PARVA: variants seen among roughly 807,000 people sequenced by gnomAD.
The protein encoded by PARVA is parvin alpha.
In PARVA, 25 loss-of-function variants were observed where a neutral mutation model predicts 52.6. That is an observed-to-expected ratio of 0.48 (90% confidence interval 0.35 to 0.66). The LOEUF (loss-of-function observed/expected upper bound fraction) is 0.66, where lower values mean the gene tolerates loss of function less well. PARVA is among the 30% of genes least tolerant of loss of function. The pLI, the probability that PARVA is intolerant of heterozygous loss-of-function variation, is 0.01. For missense variants in PARVA, 373 were observed against 450.9 expected (o/e 0.83, Z 1.56); for synonymous variants, 185 against 179.1 (o/e 1.03, Z -0.26).
intron 9 of PARVA, 67 bp downstream of exon 9, chr11:12,513,427 C>A: frequency 7.1e-7 from 1 of 1,418,310 alleles, no homozygotes; most frequent in Non-Finnish European, 1.0e-6. Context: ...GAAAACCCAT[C>A]CCTGCAGCTT....
intron 1 of PARVA, among the ~76,000 whole-genome samples, chr11:12,444,572 G>A (rs1258150475): frequency 2.0e-5 from 3 of 152,014 alleles, no homozygotes; most frequent in Non-Finnish European, 4.4e-5. Flanking sequence ...AGCCTCCTGA[G>A]TAGCTGGGAC....
intron 1 of PARVA, among the ~76,000 whole-genome samples, chr11:12,460,147 T>C (rs1028969225): frequency 2.6e-5 from 4 of 152,224 alleles, no homozygotes; most frequent in Non-Finnish European, 5.9e-5. Context: ...ATATGCATTG[T>C]GTTTGGGGAG....
At chr11:12,434,418 C>T (rs957476890) in intron 1 of PARVA, among the ~76,000 whole-genome samples, 1 of 152,210 alleles carries the variant, frequency 6.6e-6, no homozygotes, top group African/African-American at 2.4e-5. Flanking sequence ...CGCTTGGTCC[C>T]TATCAAACAG....
intron 1 of PARVA, among the ~76,000 whole-genome samples, chr11:12,395,510 C>T (rs371472866): frequency 1.8e-4 from 27 of 152,314 alleles, no homozygotes; most frequent in African/African-American, 4.6e-4. Context: ...TCCTGGGTAA[C>T]GGGGAAGCCA....
intron 1 of PARVA, among the ~76,000 whole-genome samples, chr11:12,406,324 G>A (rs552515178): frequency 1.3e-5 from 2 of 152,192 alleles, no homozygotes; most frequent in South Asian, 4.1e-4. Flanking sequence ...GTCCAGCCAC[G>A]TTATGGAGGA....
At chr11:12,393,952 A>G (rs757461939) in intron 1 of PARVA, among the ~76,000 whole-genome samples, 17 of 152,172 alleles carry the variant, frequency 1.1e-4, no homozygotes, top group Admixed American at 9.8e-4. Flanking sequence ...ACATATAACT[A>G]TTATGTGGTT....
rs940781379 is a variant in PARVA at position 12,377,586 on chromosome 11, C to T, written c.-62C>T. 33 of 1,501,534 alleles carry T rather than the reference C, an allele frequency of 2.2e-5. No homozygotes were observed. The highest frequency in any genetic ancestry group is 2.7e-5 in the Non-Finnish European group (31 of 1,127,564). The allele number at this position is 1,501,534 out of a possible 1,614,324, so 93.0% of individuals were successfully genotyped here. ...CCGCAGCCTCAGTCCCGCCGCCGCCCGCTGCGTCCGCCCAGCGCCAGCTCC... is the reference window on the plus strand; with the variant it reads ...CCGCAGCCTCAGTCCCGCCGCCGCCTGCTGCGTCCGCCCAGCGCCAGCTCC... On this transcript the variant is annotated 5_prime_UTR_variant, in exon 1 of 13. Transcript: ENST00000334956.
intron 1 of PARVA, among the ~76,000 whole-genome samples, chr11:12,422,478 C>A (rs538153930): frequency 6.6e-6 from 1 of 152,172 alleles, no homozygotes; most frequent in East Asian, 1.9e-4. Flanking sequence ...GTGGGCTTGT[C>A]GTCCAACAGC....
chr11:12,412,202 G>A (rs1019955090), intron 1 of PARVA, among the ~76,000 whole-genome samples: 5 of 152,212 alleles, frequency 3.3e-5, no homozygotes, highest in Non-Finnish European at 2.9e-5. Context: ...CAGGAGCTGA[G>A]TCATAATCCT....
chr11:12,425,161 T>G (rs1242036476), intron 1 of PARVA, among the ~76,000 whole-genome samples: 1 of 152,194 alleles, frequency 6.6e-6, no homozygotes, highest in Non-Finnish European at 1.5e-5. Context: ...AGGGGCTTCC[T>G]TTAGAAGTGT....
chr11:12,466,861 G>A (rs1224425962), intron 1 of PARVA, among the ~76,000 whole-genome samples: 1 of 152,036 alleles, frequency 6.6e-6, no homozygotes, highest in African/African-American at 2.4e-5. Flanking sequence ...TATTTTGTTG[G>A]CTACTCTAGG....
chr11:12,461,639 C>T (rs1940782508), intron 1 of PARVA, among the ~76,000 whole-genome samples: 1 of 152,176 alleles, frequency 6.6e-6, no homozygotes, highest in African/African-American at 2.4e-5. Context: ...ATGGTGCTTC[C>T]ATCTCCTTCC....
chr11:12,521,165 T>G (rs1941632041), intron 12 of PARVA, among the ~76,000 whole-genome samples: 1 of 152,108 alleles, frequency 6.6e-6, no homozygotes. Context: ...TATCTAAAAT[T>G]TAAGGAGTCT....
chr11:12,473,749 C>A lies in PARVA; in HGVS notation c.141C>A (p.Ser47=). The change falls in exon 2 of 13, where the codon TCC becomes TCA. Residue 47 remains serine, a synonymous_variant. Coordinates refer to ENST00000334956, the MANE Select transcript of PARVA (RefSeq NM_018222.5). ...CTGCTCTTCCTTTTCTTCCAGTGTCCGAGCTGCAGGAGGAGGGAATGAACG... is the reference window on the plus strand; with the variant it reads ...CTGCTCTTCCTTTTCTTCCAGTGTCAGAGCTGCAGGAGGAGGGAATGAACG... ...LARRKKAKEV[S]ELQEEGMNAI... is the part of the protein sequence containing the mutation. The A allele has an allele frequency of 6.4e-7, 1 of 1,560,234 alleles. No individual in the cohort carries two copies. The highest frequency in any genetic ancestry group is 8.7e-7 in the Non-Finnish European group (1 of 1,151,246).
intron 1 of PARVA, among the ~76,000 whole-genome samples, chr11:12,444,972 G>T (rs538934780): frequency 3.2e-4 from 48 of 152,296 alleles, no homozygotes; most frequent in African/African-American, 9.1e-4. Context: ...TAAAGAAGGG[G>T]CTGGCAAAGT....
intron 1 of PARVA, among the ~76,000 whole-genome samples, chr11:12,442,357 G>A (rs1940479069): frequency 6.6e-6 from 1 of 152,204 alleles, no homozygotes; most frequent in Non-Finnish European, 1.5e-5. Flanking sequence ...GAAGCATTAA[G>A]CAAATGTAAG....
chr11:12,454,754 T>C (rs1347444908), intron 1 of PARVA, among the ~76,000 whole-genome samples: 3 of 152,198 alleles, frequency 2.0e-5, no homozygotes, highest in African/African-American at 7.2e-5. Context: ...GATTATTTTA[T>C]TATTTTGAAG....
chr11:12,436,111 C>T (rs768922506), intron 1 of PARVA, among the ~76,000 whole-genome samples: 2 of 152,142 alleles, frequency 1.3e-5, no homozygotes, highest in Non-Finnish European at 2.9e-5. Context: ...TATGAGCCAC[C>T]TCACCCAGCC....
At chr11:12,465,810 T>G (rs1234180108) in intron 1 of PARVA, among the ~76,000 whole-genome samples, 1 of 152,250 alleles carries the variant, frequency 6.6e-6, no homozygotes, top group Non-Finnish European at 1.5e-5. Context: ...TGAATAAAGC[T>G]GCTATAAATA....
Sources: allele counts gnomAD v4.1 joint callset (sites outside exome capture counted in the v4.1 genomes callset), GRCh38; gene constraint gnomAD v4.1.1; transcripts MANE v1.5; gene names NCBI Gene and HGNC (gene_info 2026-07-23, HGNC 2026-07-21).